Variants in PIWIL1 observed in about 807,000 individuals in gnomAD.
PIWIL1 encodes the protein piwi-like protein 1.
A neutral mutation model predicts 114.4 loss-of-function variants in PIWIL1; 73 were observed. The observed-to-expected ratio is 0.64, with a 90% CI of 0.53 to 0.78. The LOEUF is 0.78. Among genes scored for constraint, PIWIL1 ranks in the 30% least tolerant of loss-of-function variants. PIWIL1 has a pLI of 0.00. For synonymous variants in PIWIL1, 375 were observed against 369.0 expected, an observed-to-expected ratio of 1.02 and a Z score of -0.19; for missense variants, 723 against 1,063.1, an observed-to-expected ratio of 0.68 and a Z score of 4.45.
the PIWIL1 span, chr12:130,398,565 CA>C: frequency 6.6e-6 from 1 of 152,612 alleles, no homozygotes; most frequent in Non-Finnish European, 1.5e-5. Context: ...ACTTCTGTCA[CA>C]GGATGATTGT....
chr12:130,424,250 G>A, the PIWIL1 span: 148 of 1,231,928 alleles, frequency 1.2e-4, no homozygotes, highest in African/African-American at 1.1e-3. The surrounding 1 kb of genome is among the most constrained non-coding windows in gnomAD (Gnocchi z 9.8). Flanking sequence ...CTTGGTGCTC[G>A]GTGGGCTCGC....
At position 130,346,578 on chromosome 12, in the gene PIWIL1, G is replaced by A. The variant is rs999989564; in HGVS notation, c.525G>A (p.Gln175=). The A allele has an allele frequency of 2.5e-6, 4 of 1,610,864 alleles. No homozygotes were observed. The East Asian group carries it at 8.9e-5, about 36-fold the overall frequency. The change falls in exon 5 of 21, where the codon CAG becomes CAA. Residue 175 remains glutamine, a synonymous_variant. Coordinates refer to ENST00000245255, the MANE Select transcript of PIWIL1 (RefSeq NM_004764.5). ...TATTATTTTTACCTAAAAGACTACA[G>A]CAAAAGGTTATTTGGGAAAAGGGAG... ...GTILFLPKRL[Q]QKVTEVFSKT...
At chr12:130,354,455 T>TA in intron 9 of PIWIL1, 82 bp from the exon 10 acceptor site, 1 of 1,563,834 alleles carries the variant, frequency 6.4e-7, no homozygotes, top group Non-Finnish European at 8.7e-7. Context: ...TTTATTTTTT[T>TA]AAAAAATGAA....
rs1349078090 is a variant in PIWIL1, at chr12:130,362,991, C to T, written c.2042C>T (p.Ala681Val). ...ATAAAACTTCTCTGGCCTGTTTCAGCGGCTCTGAGGGCTTGGAATAGCTGC... is the reference window on the plus strand; with the variant it reads ...ATAAAACTTCTCTGGCCTGTTTCAGTGGCTCTGAGGGCTTGGAATAGCTGC... ...LVDGLKVCLQ[A>V]ALRAWNSCNE... The change falls in exon 18 of 21, where the codon GCG becomes GTG. Residue 681 changes from alanine to valine, a missense_variant and splice_region_variant. By Grantham distance (64) the Ala-to-Val change is moderately conservative (BLOSUM62 0). Coordinates refer to ENST00000245255, the MANE Select transcript of PIWIL1 (RefSeq NM_004764.5). The T allele has an allele frequency of 3.1e-6, 5 of 1,613,520 alleles. No individual in the cohort carries two copies. Among genetic ancestry groups the T allele is most frequent in the Middle Eastern group, 1.7e-4 (1 of 6,060 alleles).
chr12:130,396,044 A>C, the PIWIL1 span: 2 of 152,510 alleles, frequency 1.3e-5, no homozygotes, highest in Non-Finnish European at 2.9e-5. Flanking sequence ...AGAAACGGTA[A>C]GGTTATGGTG....
chr12:130,386,373 C>T, the PIWIL1 span, among the ~76,000 whole-genome samples: 1 of 152,018 alleles, frequency 6.6e-6, no homozygotes, highest in Admixed American at 6.6e-5. Context: ...TGGAACTAAA[C>T]CATGGCAATA....
chr12:130,352,841 C>A (rs1363093908), intron 9 of PIWIL1, among the ~76,000 whole-genome samples: 1 of 152,148 alleles, frequency 6.6e-6, no homozygotes, highest in East Asian at 1.9e-4. Context: ...CTTCTACCAC[C>A]TGTGTTTGCA....
the PIWIL1 span, among the ~76,000 whole-genome samples, chr12:130,422,011 C>G: frequency 6.6e-6 from 1 of 152,184 alleles, no homozygotes; most frequent in Non-Finnish European, 1.5e-5. This position sits in a 1 kb window ranked among gnomAD's most constrained non-coding sequence, Gnocchi z 5.2. Flanking sequence ...GCACGGTGTC[C>G]CCCAGGATTT....
the PIWIL1 span, chr12:130,414,440 T>A: frequency 1.3e-6 from 1 of 796,860 alleles, no homozygotes; most frequent in Non-Finnish European, 2.0e-6. Flanking sequence ...TCTTAACATG[T>A]AGGTGGAAAT....
chr12:130,368,097 C>A (rs987129856), intron 19 of PIWIL1, among the ~76,000 whole-genome samples: 1 of 152,106 alleles, frequency 6.6e-6, no homozygotes, highest in African/African-American at 2.4e-5. Flanking sequence ...CACGCCCAGC[C>A]GAAACTTGTT....
At chr12:130,413,022 ATTC>A in the PIWIL1 span, among the ~76,000 whole-genome samples, 3 of 152,124 alleles carry the variant, frequency 2.0e-5, no homozygotes, top group Admixed American at 1.3e-4. Context: ...ACAACCTGCC[ATTC>A]TTCTCATCAG....
chr12:130,392,916 C>CGT, the PIWIL1 span, among the ~76,000 whole-genome samples: 1,346 of 40,390 alleles, frequency 0.033, 487 homozygotes, highest in Non-Finnish European at 0.079. Context: ...ACCGTCATCA[C>CGT]GTGTCTGTCA....
chr12:130,396,376 A>G, the PIWIL1 span: 1 of 152,690 alleles, frequency 6.5e-6, no homozygotes, highest in Non-Finnish European at 1.5e-5. Flanking sequence ...AAGAGTAAAA[A>G]CAATTTACAA....
At chr12:130,424,969 A>AG in the PIWIL1 span, 296 of 512,826 alleles carry the variant, frequency 5.8e-4, 4 homozygotes, top group East Asian at 2.3e-3. This position sits in a 1 kb window ranked among gnomAD's most constrained non-coding sequence, Gnocchi z 9.8. Flanking sequence ...GGAGGCACCG[A>AG]GGGGGGGGAA....
At chr12:130,405,154 G>A in the PIWIL1 span, among the ~76,000 whole-genome samples, 8 of 152,232 alleles carry the variant, frequency 5.3e-5, no homozygotes, top group East Asian at 1.4e-3. Flanking sequence ...TTGACCGCAT[G>A]CAAACGTGAA....
In PIWIL1 at chr12:130,342,565, T is replaced by G; in HGVS notation, c.-12-15T>G. 1 of 1,518,592 alleles carries G rather than the reference T, an allele frequency of 6.6e-7. No homozygotes were observed. The highest frequency in any genetic ancestry group is 2.2e-5 in the East Asian group (1 of 44,472). The allele number at this position is 1,518,592 out of a possible 1,614,324, so 94.1% of individuals were successfully genotyped here. A position where few individuals can be genotyped will look rare whatever the true frequency, so the allele number is the denominator to read the frequency against. ...CCTCCATTGAGTATTGTCTTCAAGA[T>G]TGTTTCCTCTCCAGAAATAGAAAAC... On this transcript the variant is annotated splice_polypyrimidine_tract_variant and intron_variant, in intron 1 of 20. Transcript: ENST00000245255.
rs760059658 is a variant in PIWIL1, at chr12:130,357,061, T to A, written c.1548T>A (p.Phe516Leu). 3.1e-6 allele frequency: 5 copies of A among 1,613,364 alleles called. No homozygotes were observed. In the African/African-American group the frequency reaches 4.0e-5, roughly 13 times the overall value. Residue 516 changes from phenylalanine to leucine, a missense_variant, in exon 13 of 21, where the codon TTT becomes TTA. By Grantham distance (22) the Phe-to-Leu change is conservative (BLOSUM62 0). Transcript: ENST00000245255. ...EAANSLIQNLFKVTPAMGMQM... is the reference protein window; with the variant it reads ...EAANSLIQNLLKVTPAMGMQM... Reference sequence around the variant, plus strand: ...CCAATTCATTGATACAAAATCTATTTAAAGTTACACCAGCCATGGGCATGC... The same window carrying A: ...CCAATTCATTGATACAAAATCTATTAAAAGTTACACCAGCCATGGGCATGC...
chr12:130,413,218 A>G, the PIWIL1 span, among the ~76,000 whole-genome samples: 1 of 152,186 alleles, frequency 6.6e-6, no homozygotes, highest in African/African-American at 2.4e-5. Context: ...GACCGTTCTC[A>G]AATGCCAACT....
Position 130,346,452 on chromosome 12 carries a change from CATTGACT to C in PIWIL1, c.402_408del (p.Asp135ThrfsTer3). 1 of 1,613,836 alleles carries C rather than the reference CATTGACT, an allele frequency of 6.2e-7. No individual in the cohort carries two copies. Among genetic ancestry groups the C allele is most frequent in the Non-Finnish European group, 8.5e-7 (1 of 1,179,684 alleles). ...CCCAGTGGGCCTTATATCAGTATCA[CATTGACT>C]ATAACCCACTGATGGAAGCCAGAAG... is the stretch of plus-strand genomic sequence containing the variant. On this transcript the variant is annotated frameshift_variant, in exon 5 of 21. Transcript: ENST00000245255. LOFTEE classifies it high-confidence loss of function.
Sources: allele counts gnomAD v4.1 joint callset (sites outside exome capture counted in the v4.1 genomes callset), GRCh38; gene constraint gnomAD v4.1.1; non-coding constraint Gnocchi (gnomAD v3.1); transcripts MANE v1.5; gene names NCBI Gene and HGNC (gene_info 2026-07-23, HGNC 2026-07-21).